PIK3C2G: variants seen among roughly 807,000 people sequenced by gnomAD.
The protein encoded by PIK3C2G is phosphatidylinositol-4-phosphate 3-kinase catalytic subunit type 2 gamma.
A neutral mutation model predicts 181.1 loss-of-function variants in PIK3C2G; 168 were observed. The observed-to-expected ratio is 0.93, with a 90% CI of 0.82 to 1.05. The LOEUF is 1.05. PIK3C2G is among the 50% of genes least tolerant of loss of function. The probability of loss-of-function intolerance (pLI) is 0.00; values close to 1 mark genes in which losing one functional copy is unlikely to be tolerated. For synonymous variants in PIK3C2G, 573 were observed against 592.2 expected, an observed-to-expected ratio of 0.97 and a Z score of 0.47; for missense variants, 1,869 against 1,732.8, an observed-to-expected ratio of 1.08 and a Z score of -1.40.
chr12:18,537,466 TA>T (rs112340542), intron 24 of PIK3C2G, among the ~76,000 whole-genome samples: 1 of 151,926 alleles, frequency 6.6e-6, no homozygotes, highest in African/African-American at 2.4e-5. Flanking sequence ...AATGACATGA[TA>T]AAAAAACTGA....
chr12:18,608,052 CAGGATGTGG>C (rs78659000), intron 30 of PIK3C2G, among the ~76,000 whole-genome samples: 24,100 of 151,750 alleles, frequency 0.16, 2,120 homozygotes, highest in East Asian at 0.2. Context: ...CAGGAAACAA[CAGGATGTGG>C]AGGATGTGGA....
chr12:18,376,622 G>A (rs1942457144), intron 13 of PIK3C2G, among the ~76,000 whole-genome samples: 1 of 152,188 alleles, frequency 6.6e-6, no homozygotes, highest in Non-Finnish European at 1.5e-5. Context: ...GCCAGGGGCA[G>A]AGTAATATAG....
At chr12:18,699,817 GC>G in the PIK3C2G span, 1 of 1,613,174 alleles carries the variant, frequency 6.2e-7, no homozygotes, top group East Asian at 2.2e-5. Context: ...AAGTTTTCGG[GC>G]TTGTGTCTCC....
At chr12:18,553,640 T>G (rs1037071746) in intron 26 of PIK3C2G, among the ~76,000 whole-genome samples, 1 of 152,002 alleles carries the variant, frequency 6.6e-6, no homozygotes, top group Non-Finnish European at 1.5e-5. Context: ...TTAAGCCATA[T>G]CTAAACTGTA....
intron 10 of PIK3C2G, among the ~76,000 whole-genome samples, chr12:18,343,918 T>C (rs1421107519): frequency 6.6e-6 from 1 of 150,388 alleles, no homozygotes; most frequent in East Asian, 1.9e-4. Context: ...GGTGTGAGAT[T>C]GCATGGGACG....
chr12:18,589,007 CA>C (rs1946933438), intron 29 of PIK3C2G, among the ~76,000 whole-genome samples: 2 of 152,056 alleles, frequency 1.3e-5, no homozygotes, highest in Admixed American at 1.3e-4. Flanking sequence ...AACCAATTAC[CA>C]AATGTTCTCA....
At chr12:18,590,895 T>G (rs138427328) in intron 29 of PIK3C2G, among the ~76,000 whole-genome samples, 1 of 152,048 alleles carries the variant, frequency 6.6e-6, no homozygotes, top group East Asian at 1.9e-4. Context: ...TTGAAGGATA[T>G]GACGGTGTAA....
intron 24 of PIK3C2G, among the ~76,000 whole-genome samples, chr12:18,505,668 A>G (rs146394837): frequency 6.6e-6 from 1 of 152,350 alleles, no homozygotes; most frequent in Non-Finnish European, 1.5e-5. Flanking sequence ...TCAAATTGGT[A>G]GTAGACTAAA....
At chr12:18,378,817 C>A (rs1942638016) in intron 13 of PIK3C2G, among the ~76,000 whole-genome samples, 1 of 152,150 alleles carries the variant, frequency 6.6e-6, no homozygotes, top group African/African-American at 2.4e-5. Context: ...CAATGAGATA[C>A]CATCTCACAC....
intron 11 of PIK3C2G, among the ~76,000 whole-genome samples, chr12:18,350,936 A>G (rs772122746): frequency 2.1e-4 from 32 of 152,152 alleles, no homozygotes; most frequent in Admixed American, 6.5e-5. Flanking sequence ...ATTAGGAAGG[A>G]TATAGGAGTG....
intron 3 of PIK3C2G, among the ~76,000 whole-genome samples, chr12:18,289,050 G>A (rs1949576546): frequency 6.6e-6 from 1 of 152,100 alleles, no homozygotes; most frequent in African/African-American, 2.4e-5. Flanking sequence ...TCAATAATTT[G>A]TTTGTTGGCA....
intron 30 of PIK3C2G, among the ~76,000 whole-genome samples, chr12:18,597,280 T>G (rs1947420235): frequency 6.6e-6 from 1 of 151,888 alleles, no homozygotes; most frequent in Non-Finnish European, 1.5e-5. Context: ...TTTATCCACT[T>G]ATGAAACAAG....
chr12:18,621,615 GATT>G (rs2136668765), intron 31 of PIK3C2G, among the ~76,000 whole-genome samples: 1 of 151,692 alleles, frequency 6.6e-6, no homozygotes, highest in South Asian at 2.1e-4. Flanking sequence ...TATATAACAA[GATT>G]ATTATACTAG....
At chr12:18,631,332 C>T (rs745323938) in intron 31 of PIK3C2G, among the ~76,000 whole-genome samples, 4 of 152,134 alleles carry the variant, frequency 2.6e-5, no homozygotes, top group Non-Finnish European at 5.9e-5. Context: ...TCAACTAAAA[C>T]CTGTGCTGTT....
intron 5 of PIK3C2G, among the ~76,000 whole-genome samples, chr12:18,298,119 T>C (rs1950018935): frequency 6.6e-6 from 1 of 151,956 alleles, no homozygotes; most frequent in African/African-American, 2.4e-5. Flanking sequence ...TCCATAATGG[T>C]TGTAGTAATT....
chr12:18,489,743 TA>T (rs1940383040), intron 19 of PIK3C2G, among the ~76,000 whole-genome samples: 1 of 152,184 alleles, frequency 6.6e-6, no homozygotes, highest in Non-Finnish European at 1.5e-5. Flanking sequence ...GATGGCAAGT[TA>T]AATAAATTGA....
chr12:18,645,966 G>T (rs1950108596), intron 32 of PIK3C2G, among the ~76,000 whole-genome samples: 1 of 152,086 alleles, frequency 6.6e-6, no homozygotes, highest in South Asian at 2.1e-4. Flanking sequence ...TGAACATGAT[G>T]TAGGAAGAAA....
chr12:18,298,687 G>T (rs571058188), intron 5 of PIK3C2G, among the ~76,000 whole-genome samples: 1 of 151,734 alleles, frequency 6.6e-6, no homozygotes, highest in East Asian at 1.9e-4. Context: ...CCGGATTTAG[G>T]TTTAAGTCTT....
downstream of PIK3C2G, among the ~76,000 whole-genome samples, chr12:18,650,429 AT>A (rs1352632700): frequency 6.9e-6 from 1 of 145,724 alleles, no homozygotes; most frequent in Non-Finnish European, 1.5e-5. Context: ...TTACATAGGA[AT>A]TTTTTTAATC....
Sources: allele counts gnomAD v4.1 joint callset (sites outside exome capture counted in the v4.1 genomes callset), GRCh38; gene constraint gnomAD v4.1.1; transcripts MANE v1.5; gene names NCBI Gene and HGNC (gene_info 2026-07-23, HGNC 2026-07-21).